Variants in ATP8A1 observed in about 807,000 individuals in gnomAD.
The protein encoded by ATP8A1 is phospholipid-transporting ATPase IA.
A neutral mutation model predicts 177.7 loss-of-function variants in ATP8A1; 90 were observed. That is an observed-to-expected ratio of 0.51 (90% CI 0.43 to 0.60). The LOEUF (loss-of-function observed/expected upper bound fraction) is 0.60. Among genes scored for constraint, ATP8A1 ranks in the 20% least tolerant of loss-of-function variants. The pLI is 0.00. For synonymous variants in ATP8A1, 493 were observed against 485.9 expected (o/e 1.01, Z -0.19); for missense variants, 1,072 against 1,392.8 (o/e 0.77, Z 3.67).
At chr4:42,628,439 G>C (rs898524299) in intron 1 of ATP8A1, among the ~76,000 whole-genome samples, 1 of 152,122 alleles carries the variant, frequency 6.6e-6, no homozygotes, top group Non-Finnish European at 1.5e-5. Flanking sequence ...ACCACGCTGA[G>C]GAAGCACGCA....
chr4:42,544,085 T>C (rs1438378439), intron 19 of ATP8A1, 99 bp from the exon 20 acceptor site: 2 of 977,852 alleles, frequency 2.0e-6, no homozygotes, highest in African/African-American at 3.3e-5. Flanking sequence ...AGTAAAAAAA[T>C]AAATCTGACC....
chr4:42,434,756 A>C (rs1024366515), intron 33 of ATP8A1, among the ~76,000 whole-genome samples: 2 of 152,180 alleles, frequency 1.3e-5, no homozygotes, highest in African/African-American at 4.8e-5. Context: ...TCAAATAGAA[A>C]GGGTTACTCC....
At chr4:42,575,396 G>A (rs1396891833) in intron 13 of ATP8A1, among the ~76,000 whole-genome samples, 3 of 152,172 alleles carry the variant, frequency 2.0e-5, no homozygotes, top group African/African-American at 4.8e-5. Context: ...GGGACATCTC[G>A]AAGCTCTTGG....
intron 21 of ATP8A1, among the ~76,000 whole-genome samples, chr4:42,523,465 C>T (rs1423318394): frequency 6.6e-6 from 1 of 152,184 alleles, no homozygotes; most frequent in Non-Finnish European, 1.5e-5. Context: ...GAGAACTCTA[C>T]CTTCCAAGAA....
At chr4:42,626,776 G>C (rs1870608) in intron 2 of ATP8A1, 140,982 of 560,914 alleles carry the variant, frequency 0.25, 19,564 homozygotes, top group Non-Finnish European at 0.29. Context: ...AGCATCGGCA[G>C]AGGATGGGTG....
Position 42,613,687 on chromosome 4 carries a change from G to A in ATP8A1, c.409+2346C>T, listed in dbSNP as rs566613022. 1.8e-4 allele frequency among the ~76,000 whole-genome samples: 27 copies of A among 152,128 alleles called. No homozygotes were observed. In the South Asian group the frequency reaches 5.6e-3, roughly 32 times the overall value. ...CAACCTCCGCCTCCTGGGTTTGAGC[G>A]ATTCTCCTACCTCAGCCTCCCGAAT... On this transcript the variant is annotated intron_variant, in intron 5 of 36. Coordinates refer to ENST00000381668, the MANE Select transcript of ATP8A1 (RefSeq NM_006095.2).
chr4:42,618,418 T>G (rs759739530), intron 4 of ATP8A1, among the ~76,000 whole-genome samples: 12 of 152,228 alleles, frequency 7.9e-5, no homozygotes, highest in Non-Finnish European at 1.6e-4. Flanking sequence ...TATATCTGGT[T>G]GCCTCTTTAA....
At chr4:42,511,317 A>G (rs1359782378) in intron 22 of ATP8A1, among the ~76,000 whole-genome samples, 1 of 152,206 alleles carries the variant, frequency 6.6e-6, no homozygotes, top group Non-Finnish European at 1.5e-5. Context: ...GCTATAATCA[A>G]TTTCATCCCA....
intron 14 of ATP8A1, among the ~76,000 whole-genome samples, chr4:42,573,960 T>C (rs995304402): frequency 1.3e-5 from 2 of 152,154 alleles, no homozygotes; most frequent in African/African-American, 4.8e-5. Flanking sequence ...TTCTAGGAAA[T>C]GTAGAAATTA....
At chr4:42,609,370 G>C (rs777635398) in intron 5 of ATP8A1, among the ~76,000 whole-genome samples, 43 of 152,208 alleles carry the variant, frequency 2.8e-4, no homozygotes, top group Non-Finnish European at 5.3e-4. Context: ...CGATGTGATC[G>C]GAGCACAAAG....
chr4:42,625,561 T>G (rs1440423038), intron 3 of ATP8A1, 53 bp downstream of exon 3: 5 of 1,289,432 alleles, frequency 3.9e-6, no homozygotes, highest in South Asian at 1.4e-5. Flanking sequence ...GGTCACGGGC[T>G]TAACATTTAT....
intron 14 of ATP8A1, among the ~76,000 whole-genome samples, chr4:42,572,191 C>G (rs1484923288): frequency 6.6e-6 from 1 of 152,162 alleles, no homozygotes; most frequent in Non-Finnish European, 1.5e-5. Context: ...AAACACCTTG[C>G]TTTCTTCCAC....
At position 42,413,146 on chromosome 4, in the gene ATP8A1, A is replaced by AT. The variant is rs568387176; in HGVS notation, c.3398-134dup. ...CACATTCAAAAGCATGGAGACACTG[A>AT]TTTTTAATGCCTAGAAAAGATACAG... On this transcript the variant is annotated intron_variant, in intron 36 of 36. Coordinates refer to ENST00000381668, the MANE Select transcript of ATP8A1 (RefSeq NM_006095.2). The AT allele has an allele frequency of 2.5e-4, 164 of 663,052 alleles. 1 individual carries two copies. In the South Asian group the frequency reaches 2.8e-3, roughly 11 times the overall value. The allele number at this position is 663,052 out of a possible 1,614,324, so 41.1% of individuals were successfully genotyped here. A position where few individuals can be genotyped will look rare whatever the true frequency, so the allele number is the denominator to read the frequency against.
At chr4:42,539,832 A>C (rs192360965) in intron 20 of ATP8A1, among the ~76,000 whole-genome samples, 21 of 152,296 alleles carry the variant, frequency 1.4e-4, no homozygotes, top group Admixed American at 1.1e-3. Flanking sequence ...ATAAGACTCA[A>C]ACTTTTAAAA....
intron 15 of ATP8A1, among the ~76,000 whole-genome samples, chr4:42,564,096 G>C (rs538830778): frequency 1.1e-4 from 17 of 152,276 alleles, no homozygotes; most frequent in Middle Eastern, 3.4e-3. Context: ...TTCTGTCTGG[G>C]GTTGCGGGGC....
intron 33 of ATP8A1, among the ~76,000 whole-genome samples, chr4:42,442,745 G>A (rs578256616): frequency 1.3e-5 from 2 of 152,230 alleles, no homozygotes; most frequent in East Asian, 3.9e-4. Context: ...AGTACTTAGG[G>A]GCAACAAATA....
intron 1 of ATP8A1, among the ~76,000 whole-genome samples, chr4:42,630,057 G>A (rs535421443): frequency 6.6e-6 from 1 of 152,316 alleles, no homozygotes; most frequent in South Asian, 2.1e-4. Context: ...TATTCAATAT[G>A]CACCAGATAA....
chr4:42,616,369 G>A (rs1261670698), intron 4 of ATP8A1, among the ~76,000 whole-genome samples: 1 of 151,562 alleles, frequency 6.6e-6, no homozygotes, highest in African/African-American at 2.4e-5. Flanking sequence ...CACATAGGTA[G>A]GATTAAAATT....
chr4:42,505,208 C>T (rs1448625307), intron 23 of ATP8A1, among the ~76,000 whole-genome samples: 1 of 152,210 alleles, frequency 6.6e-6, no homozygotes, highest in Non-Finnish European at 1.5e-5. Context: ...CTGTTCCTTG[C>T]ACTTAACCAG....
Sources: gnomAD v4.1 joint callset for allele counts (sites outside exome capture counted in the v4.1 genomes callset) on GRCh38, gnomAD v4.1.1 for gene constraint, MANE v1.5 for transcripts, NCBI Gene and HGNC (gene_info 2026-07-23, HGNC 2026-07-21) for gene names.